FBRSL1: variants seen among roughly 807,000 people sequenced by gnomAD.
FBRSL1 encodes fibrosin like 1, also known as fibrosin-1-like protein.
A neutral mutation model predicts 89.6 loss-of-function variants in FBRSL1; 51 were observed. That is an observed-to-expected ratio of 0.57 (90% CI 0.45 to 0.72). The LOEUF (loss-of-function observed/expected upper bound fraction) is 0.72, where lower values mean the gene tolerates loss of function less well. Ranked by LOEUF, FBRSL1 falls within the 30% of genes least tolerant of loss-of-function variation. FBRSL1 has a pLI of 0.00. For synonymous variants in FBRSL1, 779 were observed against 681.1 expected (o/e 1.14, Z -2.24); for missense variants, 1,618 against 1,451.8 (o/e 1.11, Z -1.86).
chr12:132,581,679 G>A, intron 16 of FBRSL1, 62 bp from the exon 17 acceptor site: 2 of 1,527,800 alleles, frequency 1.3e-6, no homozygotes, highest in Non-Finnish European at 1.8e-6. Context: ...GCCCCCACTG[G>A]GCCAGGTGGG....
chr12:132,549,425 G>A (rs1031308498), intron 5 of FBRSL1, among the ~76,000 whole-genome samples: 2 of 152,188 alleles, frequency 1.3e-5, no homozygotes, highest in Non-Finnish European at 2.9e-5. Flanking sequence ...GAACCGTGAC[G>A]GGCCTAACAT....
At chr12:132,505,663 A>C (rs1314682623) in intron 1 of FBRSL1, among the ~76,000 whole-genome samples, 2 of 152,194 alleles carry the variant, frequency 1.3e-5, no homozygotes, top group African/African-American at 4.8e-5. Flanking sequence ...TGGGGCTGGC[A>C]AGGGCCCCTG....
intron 2 of FBRSL1, among the ~76,000 whole-genome samples, chr12:132,522,631 G>T (rs1248147268): frequency 6.6e-6 from 1 of 152,194 alleles, no homozygotes; most frequent in Non-Finnish European, 1.5e-5. Context: ...GCTCCATGCT[G>T]GCCCACAGGG....
At chr12:132,530,810 G>A (rs1229449673) in intron 4 of FBRSL1, among the ~76,000 whole-genome samples, 1 of 151,882 alleles carries the variant, frequency 6.6e-6, no homozygotes, top group African/African-American at 2.4e-5. Flanking sequence ...AGGAGCCTGG[G>A]AGGACCCTGA....
intron 2 of FBRSL1, among the ~76,000 whole-genome samples, chr12:132,508,664 A>C (rs1234937216): frequency 6.6e-6 from 1 of 152,232 alleles, no homozygotes. Context: ...TGCCGTGTCC[A>C]TCAGGCTCCG....
intron 4 of FBRSL1, among the ~76,000 whole-genome samples, chr12:132,541,528 C>T (rs1357698324): frequency 2.0e-5 from 3 of 152,246 alleles, no homozygotes; most frequent in Admixed American, 6.5e-5. Flanking sequence ...CAGTTCTGCC[C>T]ATGCAGGGGA....
At chr12:132,575,197 C>G (rs1326183085) in intron 14 of FBRSL1, among the ~76,000 whole-genome samples, 1 of 152,212 alleles carries the variant, frequency 6.6e-6, no homozygotes, top group East Asian at 1.9e-4. Context: ...CCTAAATGCC[C>G]TTTGGGACGG....
chr12:132,496,754 C>T (rs138837920), intron 1 of FBRSL1, among the ~76,000 whole-genome samples: 13 of 152,390 alleles, frequency 8.5e-5, no homozygotes, highest in Admixed American at 4.6e-4. Context: ...CTGTCTTGCA[C>T]GGGACGCATC....
intron 1 of FBRSL1, among the ~76,000 whole-genome samples, chr12:132,500,035 A>G (rs2032711620): frequency 6.6e-6 from 1 of 152,060 alleles, no homozygotes; most frequent in Admixed American, 6.5e-5. Flanking sequence ...TTCCCGGCCC[A>G]CGTGTGTACC....
chr12:132,556,818 CCT>C (rs1212015564), intron 5 of FBRSL1, among the ~76,000 whole-genome samples: 2 of 149,746 alleles, frequency 1.3e-5, no homozygotes, highest in East Asian at 2.0e-4. Flanking sequence ...TCCACCCACC[CCT>C]GTCCTGTGGG....
At chr12:132,539,046 C>T (rs974340635) in intron 4 of FBRSL1, among the ~76,000 whole-genome samples, 2 of 152,062 alleles carry the variant, frequency 1.3e-5, no homozygotes, top group Non-Finnish European at 2.9e-5. Flanking sequence ...GGCTCCCATG[C>T]ACTCAGTCCT....
At chr12:132,513,484 T>C (rs1221988539) in intron 2 of FBRSL1, among the ~76,000 whole-genome samples, 1 of 152,146 alleles carries the variant, frequency 6.6e-6, no homozygotes, top group Non-Finnish European at 1.5e-5. Context: ...ACCCTGTTGC[T>C]GCCTCAGGAA....
chr12:132,493,727 T>C (rs2031517378), intron 1 of FBRSL1, among the ~76,000 whole-genome samples: 1 of 152,020 alleles, frequency 6.6e-6, no homozygotes, highest in Non-Finnish European at 1.5e-5. Context: ...GTACCCTGGG[T>C]GGGACACATA....
chr12:132,530,216 A>G (rs1242919554), intron 4 of FBRSL1, among the ~76,000 whole-genome samples: 1 of 152,206 alleles, frequency 6.6e-6, no homozygotes, highest in Non-Finnish European at 1.5e-5. Context: ...CTGACAGACC[A>G]GCTCCTGGTG....
rs751317658 is a variant in FBRSL1 at position 132,508,369 on chromosome 12, G to A, written c.489+19G>A. 2.7e-5 allele frequency: 40 copies of A among 1,477,502 alleles called. No individual in the cohort carries two copies. Among genetic ancestry groups the A allele is most frequent in the Middle Eastern group, 4.9e-4 (2 of 4,092 alleles). 91.5% of individuals were successfully genotyped at this position (1,477,502 alleles called of 1,614,324 possible). ...CAAGCAGGTGAGCAGGTCCCTCCCC[G>A]ACCGGAAGCTCTGCGGCGGGTCAGT... On this transcript the variant is annotated intron_variant, in intron 2 of 18. Coordinates refer to ENST00000680143, the MANE Select transcript of FBRSL1 (RefSeq NM_001367871.1).
Position 132,569,917 on chromosome 12 carries a change from T to G in FBRSL1, c.692-9T>G, listed in dbSNP as rs1200836287. On this transcript the variant is annotated splice_polypyrimidine_tract_variant and intron_variant, in intron 6 of 18. Transcript: ENST00000680143. ...TGCTGGTCTGAACGCAGCCACCCTCTCTCTGCAGGCCCAGCGCTTGAGAAG... is the reference window on the plus strand; with the variant it reads ...TGCTGGTCTGAACGCAGCCACCCTCGCTCTGCAGGCCCAGCGCTTGAGAAG... 55 of 1,384,340 alleles carry G rather than the reference T, an allele frequency of 4.0e-5. No homozygotes were observed. Among genetic ancestry groups the G allele is most frequent in the Non-Finnish European group, 5.1e-5 (55 of 1,073,902 alleles). 85.8% of individuals were successfully genotyped at this position (1,384,340 alleles called of 1,614,324 possible).
intron 5 of FBRSL1, among the ~76,000 whole-genome samples, chr12:132,566,987 T>C (rs144984151): frequency 2.2e-3 from 328 of 152,282 alleles, no homozygotes; most frequent in African/African-American, 7.6e-3. Context: ...TCCAGCCTGG[T>C]CGGTATCCTG....
Position 132,509,505 on chromosome 12 carries a change from C to G in FBRSL1, c.489+1155C>G, listed in dbSNP as rs374289493. ...GCGGTCACGCCCGGCCCAGCCCTGC[C>G]GGCCGCATTGGGCACTCCCAGGCCC... On this transcript the variant is annotated intron_variant, in intron 2 of 18. Coordinates refer to ENST00000680143, the MANE Select transcript of FBRSL1 (RefSeq NM_001367871.1). 64 of 1,237,378 alleles carry G rather than the reference C, an allele frequency of 5.2e-5. No homozygotes were observed. The East Asian group carries it at 1.0e-3, about 20-fold the overall frequency. The allele number at this position is 1,237,378 out of a possible 1,614,324, so 76.6% of individuals were successfully genotyped here. A position where few individuals can be genotyped will look rare whatever the true frequency, so the allele number is the denominator to read the frequency against.
rs373891722 is a variant in FBRSL1, at chr12:132,566,714, C to T, written c.646-767C>T. Among the ~76,000 whole-genome samples the T allele has an allele frequency of 5.1e-4, 78 of 152,336 alleles. No individual in the cohort carries two copies. In the East Asian group the frequency reaches 0.014, roughly 27 times the overall value. ...CTGGGCACCAGGCCTAGAGCTTGGC[C>T]GGCCTGGGAGCATAGCGCAGCATTC... On this transcript the variant is annotated intron_variant, in intron 5 of 18. Coordinates refer to ENST00000680143, the MANE Select transcript of FBRSL1 (RefSeq NM_001367871.1).
Sources: gnomAD v4.1 joint callset for allele counts (sites outside exome capture counted in the v4.1 genomes callset) on GRCh38, gnomAD v4.1.1 for gene constraint, MANE v1.5 for transcripts, NCBI Gene and HGNC (gene_info 2026-07-23, HGNC 2026-07-21) for gene names.